Variants in FGD3 observed in about 807,000 individuals in gnomAD.
The protein encoded by FGD3 is FYVE, RhoGEF and PH domain-containing protein 3.
FGD3 carries 45 observed loss-of-function variants against 71.8 expected under a neutral mutation model. The observed-to-expected ratio is 0.63, with a 90% confidence interval of 0.49 to 0.80. FGD3 has a LOEUF of 0.80. Ranked by LOEUF, FGD3 falls within the 30% of genes least tolerant of loss-of-function variation. The pLI, the probability that FGD3 is intolerant of heterozygous loss-of-function variation, is 0.00. For missense variants in FGD3, 844 were observed against 951.5 expected (o/e 0.89, Z 1.49); for synonymous variants, 378 against 392.8 (o/e 0.96, Z 0.44).
chr9:93,027,701 C>G (rs1210124391), intron 14 of FGD3, among the ~76,000 whole-genome samples: 1 of 139,758 alleles, frequency 7.2e-6, no homozygotes, highest in African/African-American at 2.7e-5. Flanking sequence ...TTCAGTTCAT[C>G]TTTTTCTTTC....
At chr9:93,033,389 CTG>C (rs1411292275) in intron 16 of FGD3, 1 of 186,236 alleles carries the variant, frequency 5.4e-6, no homozygotes, top group Non-Finnish European at 1.1e-5. Flanking sequence ...CTCCGCCTCG[CTG>C]TCTTTCTCCT....
chr9:93,023,917 T>C (rs1359521848), intron 14 of FGD3, among the ~76,000 whole-genome samples: 1 of 148,996 alleles, frequency 6.7e-6, no homozygotes, highest in Admixed American at 6.8e-5. Context: ...TCCTCCTGCC[T>C]CAGCCTCCCC....
intron 10 of FGD3, among the ~76,000 whole-genome samples, chr9:93,017,832 A>G (rs1426738572): frequency 6.8e-6 from 1 of 147,954 alleles, no homozygotes; most frequent in Non-Finnish European, 1.5e-5. Flanking sequence ...ATGGGGCGAC[A>G]TGGGGAGGAT....
chr9:93,027,715 C>CTTTTTTT (rs1199094054), intron 14 of FGD3, among the ~76,000 whole-genome samples: 127 of 101,960 alleles, frequency 1.2e-3, no homozygotes, highest in Admixed American at 2.5e-3. Flanking sequence ...TTCTTTCTTT[C>CTTTTTTT]TTTTTTTTTT....
chr9:92,974,187 C>A (rs1859637467), intron 1 of FGD3, among the ~76,000 whole-genome samples: 1 of 152,166 alleles, frequency 6.6e-6, no homozygotes, highest in South Asian at 2.1e-4. Flanking sequence ...GGGGTTGAAC[C>A]AGGCTCTGTC....
intron 11 of FGD3, 131 bp from the exon 12 acceptor site, chr9:93,019,700 A>T: frequency 1.1e-6 from 1 of 891,562 alleles, no homozygotes; most frequent in Non-Finnish European, 1.8e-6. Context: ...CCTTGGGGCC[A>T]ATCTTCCAAT....
chr9:93,007,427 T>C (rs985885155), intron 6 of FGD3, among the ~76,000 whole-genome samples: 5 of 152,120 alleles, frequency 3.3e-5, no homozygotes, highest in Non-Finnish European at 4.4e-5. Context: ...ATTCACCACT[T>C]CTTAAAATGT....
intron 3 of FGD3, among the ~76,000 whole-genome samples, chr9:92,990,831 T>C (rs1387259093): frequency 6.6e-6 from 1 of 152,210 alleles, no homozygotes; most frequent in Non-Finnish European, 1.5e-5. Context: ...GGGTATTTTG[T>C]TGAGGATTTT....
At chr9:92,976,785 G>C in intron 3 of FGD3, 76 bp downstream of exon 3, 5 of 1,389,202 alleles carry the variant, frequency 3.6e-6, no homozygotes, top group Non-Finnish European at 4.8e-6. Flanking sequence ...TTCAGTGGGC[G>C]TCATCCCACA....
At chr9:92,966,290 G>C (rs1341902843) in intron 1 of FGD3, among the ~76,000 whole-genome samples, 1 of 152,128 alleles carries the variant, frequency 6.6e-6, no homozygotes, top group Non-Finnish European at 1.5e-5. Flanking sequence ...CTGGGTCTGG[G>C]GACAAGCTGC....
intron 3 of FGD3, among the ~76,000 whole-genome samples, chr9:92,982,382 CTGT>C (rs1485553021): frequency 6.6e-6 from 1 of 152,176 alleles, no homozygotes; most frequent in Non-Finnish European, 1.5e-5. Flanking sequence ...ATTCACTCAT[CTGT>C]TGTTGGACAC....
intron 3 of FGD3, among the ~76,000 whole-genome samples, chr9:92,987,166 C>T (rs1860217784): frequency 6.6e-6 from 1 of 152,124 alleles, no homozygotes; most frequent in African/African-American, 2.4e-5. Context: ...TGTGCAGTGG[C>T]TCACGCCTGT....
chr9:92,990,095 T>C (rs990991045), intron 3 of FGD3, among the ~76,000 whole-genome samples: 3 of 152,162 alleles, frequency 2.0e-5, no homozygotes, highest in African/African-American at 7.2e-5. Flanking sequence ...ATGAAATTTT[T>C]TTTTATCAGT....
chr9:92,985,626 C>T (rs1860160388), intron 3 of FGD3, among the ~76,000 whole-genome samples: 1 of 152,028 alleles, frequency 6.6e-6, no homozygotes, highest in African/African-American at 2.4e-5. Flanking sequence ...TTACGGGTGT[C>T]AGCCATCATT....
intron 1 of FGD3, among the ~76,000 whole-genome samples, chr9:92,954,681 C>A (rs1179235850): frequency 6.6e-6 from 1 of 152,172 alleles, no homozygotes; most frequent in Non-Finnish European, 1.5e-5. Flanking sequence ...GACTGAGTGA[C>A]CGCACTTTGG....
intron 1 of FGD3, among the ~76,000 whole-genome samples, chr9:92,973,941 C>T (rs1264145223): frequency 2.0e-5 from 3 of 152,224 alleles, no homozygotes; most frequent in African/African-American, 7.2e-5. Context: ...CTGGGCCCCA[C>T]AGGGCTTCCC....
chr9:92,951,865 G>A (rs1255767249), intron 1 of FGD3, among the ~76,000 whole-genome samples: 7 of 152,064 alleles, frequency 4.6e-5, no homozygotes, highest in Non-Finnish European at 7.4e-5. Flanking sequence ...AGGCTTGGGG[G>A]GATCTCAGTC....
chr9:93,026,942 C>T (rs10992586), intron 14 of FGD3, among the ~76,000 whole-genome samples: 6,442 of 152,324 alleles, frequency 0.042, 161 homozygotes, highest in Middle Eastern at 0.065. Context: ...ACTCCCACTT[C>T]CCAGCCTCTC....
At chr9:92,994,358 T>TG (rs1186658497) in intron 3 of FGD3, among the ~76,000 whole-genome samples, 1 of 152,248 alleles carries the variant, frequency 6.6e-6, no homozygotes, top group Admixed American at 6.5e-5. Flanking sequence ...TTGTAGATTC[T>TG]GGATATTAGC....
Sources: gnomAD v4.1 joint callset for allele counts (sites outside exome capture counted in the v4.1 genomes callset) on GRCh38, gnomAD v4.1.1 for gene constraint, MANE v1.5 for transcripts, NCBI Gene and HGNC (gene_info 2026-07-23, HGNC 2026-07-21) for gene names.